The following NFATC2 variants were observed in gnomAD, a reference collection of about 807,000 sequenced individuals.
NFATC2 encodes the protein nuclear factor of activated T cells 2.
In NFATC2, 22 loss-of-function variants were observed where a neutral mutation model predicts 87.3. That is an observed-to-expected ratio of 0.25 (90% confidence interval 0.18 to 0.36). The LOEUF (loss-of-function observed/expected upper bound fraction) is 0.36, where lower values mean the gene tolerates loss of function less well. NFATC2 is among the 10% of genes least tolerant of loss of function. NFATC2 has a pLI of 1.00. For synonymous variants in NFATC2, 565 were observed against 542.2 expected (o/e 1.04, Z -0.58); for missense variants, 1,149 against 1,259.1 (o/e 0.91, Z 1.32).
At chr20:51,517,857 C>T (rs2076378521) in intron 2 of NFATC2, among the ~76,000 whole-genome samples, 1 of 149,268 alleles carries the variant, frequency 6.7e-6, no homozygotes, top group Non-Finnish European at 1.5e-5. Flanking sequence ...GTGGAGGTTG[C>T]AGTCAGCTGA....
chr20:51,442,287 C>T (rs1024323794), intron 6 of NFATC2, among the ~76,000 whole-genome samples: 1 of 152,084 alleles, frequency 6.6e-6, no homozygotes, highest in Admixed American at 6.6e-5. Flanking sequence ...CAAAAATTAG[C>T]TGGGTGTGGT....
chr20:51,451,966 G>A (rs112050608), intron 6 of NFATC2, among the ~76,000 whole-genome samples: 3,105 of 152,248 alleles, frequency 0.02, 112 homozygotes, highest in African/African-American at 0.07. Flanking sequence ...CACAATAAAT[G>A]TAATGTGCTT....
At chr20:51,422,749 G>T (rs1981140781) in intron 9 of NFATC2, among the ~76,000 whole-genome samples, 1 of 152,120 alleles carries the variant, frequency 6.6e-6, no homozygotes, top group African/African-American at 2.4e-5. Flanking sequence ...AGGGCAGGGG[G>T]CTTTCATTTG....
intron 3 of NFATC2, among the ~76,000 whole-genome samples, chr20:51,507,561 T>C (rs2076204931): frequency 6.6e-6 from 1 of 152,246 alleles, no homozygotes; most frequent in East Asian, 1.9e-4. Flanking sequence ...ATCCTAACTA[T>C]GCTCAACAAA....
rs78520115 is a variant in NFATC2 at position 51,487,722 on chromosome 20, C to T, written c.1333-12062G>A. ...ATAAAAAAGGTGAGTTATTCCCAATCGAATGACACCTCCGCCCCCACACCA... is the reference window on the plus strand; with the variant it reads ...ATAAAAAAGGTGAGTTATTCCCAATTGAATGACACCTCCGCCCCCACACCA... On this transcript the variant is annotated intron_variant, in intron 3 of 10. Transcript: ENST00000371564. Among the ~76,000 whole-genome samples, 860 of 152,136 alleles carry T rather than the reference C, an allele frequency of 5.7e-3. 10 individuals are homozygous for T. The highest frequency in any genetic ancestry group is 0.02 in the African/African-American group (820 of 41,504).
At chr20:51,472,667 A>G (rs1600814974) in intron 5 of NFATC2, among the ~76,000 whole-genome samples, 1 of 113,722 alleles carries the variant, frequency 8.8e-6, no homozygotes, top group South Asian at 2.6e-4. Flanking sequence ...ACAGGGTCTC[A>G]CTCTGTTGCC....
rs1989203399 is a variant in NFATC2 at position 51,480,958 on chromosome 20, C to T, written c.1333-5298G>A. On this transcript the variant is annotated intron_variant, in intron 3 of 10. Transcript: ENST00000371564. The surrounding 1 kb of genome is among the most constrained non-coding windows in gnomAD (Gnocchi z 4.2). ...CCTCCCATATGGGAAAGCCCAGGCA[C>T]TAATTGCAGTCTTCTCAGTGGGCTG... 6.6e-6 allele frequency among the ~76,000 whole-genome samples: 1 copy of T among 152,174 alleles called. No individual in the cohort carries two copies. Among genetic ancestry groups the T allele is most frequent in the Non-Finnish European group, 1.5e-5 (1 of 68,048 alleles).
Position 51,396,795 on chromosome 20 carries a change from GA to G in NFATC2, c.*44+1847del, listed in dbSNP as rs74848692. On this transcript the variant is annotated intron_variant, in intron 10 of 10. Transcript: ENST00000371564. Reference sequence around the variant, plus strand: ...TGCTTGGGTCAGGATGCATGAACCTGAAAGCACATGAAGTCCTCTCTGGGAT... The same window carrying G: ...TGCTTGGGTCAGGATGCATGAACCTGAAGCACATGAAGTCCTCTCTGGGAT... 1.0e-3 allele frequency among the ~76,000 whole-genome samples: 155 copies of G among 152,270 alleles called. No homozygotes were observed. The East Asian group carries it at 0.024, about 24-fold the overall frequency.
intron 3 of NFATC2, among the ~76,000 whole-genome samples, chr20:51,506,330 G>A (rs780969262): frequency 1.3e-5 from 2 of 152,214 alleles, no homozygotes; most frequent in Non-Finnish European, 2.9e-5. Context: ...CACATCATGT[G>A]CTTGTCAGAT....
chr20:51,551,508 A>T (rs2076932266), intron 1 of NFATC2, among the ~76,000 whole-genome samples: 1 of 151,386 alleles, frequency 6.6e-6, no homozygotes, highest in South Asian at 2.1e-4. Flanking sequence ...AGCTCAGATG[A>T]TCCGCTCACC....
At chr20:51,536,101 T>C (rs1201784378) in intron 1 of NFATC2, among the ~76,000 whole-genome samples, 3 of 152,170 alleles carry the variant, frequency 2.0e-5, no homozygotes, top group Admixed American at 2.0e-4. Flanking sequence ...ATAGCAGAGC[T>C]CCCTGTCATT....
At position 51,387,529 on chromosome 20, in the gene NFATC2, C is replaced by T. The variant is rs1985890448; in HGVS notation, c.*3967G>A. 6.6e-6 allele frequency: 1 copy of T among 152,190 alleles called. No homozygotes were observed. The highest frequency in any genetic ancestry group is 2.1e-4 in the South Asian group (1 of 4,828). 9.4% of individuals were successfully genotyped at this position (152,190 alleles called of 1,614,324 possible). ...TTAAACAGTGATGTTGGCTGTAAGT[C>T]AAGGCACTCACAAAAGCTGAGGGAA... On this transcript the variant is annotated 3_prime_UTR_variant, in exon 11 of 11. Coordinates refer to ENST00000371564, the MANE Select transcript of NFATC2 (RefSeq NM_012340.5).
chr20:51,434,052 GC>G (rs955910757), intron 8 of NFATC2, among the ~76,000 whole-genome samples: 1 of 152,042 alleles, frequency 6.6e-6, no homozygotes, highest in South Asian at 2.1e-4. Flanking sequence ...GCAGTCTAGA[GC>G]CCCCCCAGCA....
At chr20:51,484,175 G>A (rs1365726056) in intron 3 of NFATC2, among the ~76,000 whole-genome samples, 2 of 151,448 alleles carry the variant, frequency 1.3e-5, no homozygotes, top group African/African-American at 4.9e-5. Context: ...CCAGGCAGGT[G>A]CCCGTCCCTG....
chr20:51,516,611 G>C (rs1284814468), intron 3 of NFATC2, among the ~76,000 whole-genome samples, 173 bp downstream of exon 3: 1 of 152,226 alleles, frequency 6.6e-6, no homozygotes, highest in Non-Finnish European at 1.5e-5. Flanking sequence ...TCTGGCTTAT[G>C]AGTAGCTGGA....
chr20:51,410,561 AGGGAGAGAAAGG>A (rs1305379180), intron 9 of NFATC2, among the ~76,000 whole-genome samples: 2 of 151,424 alleles, frequency 1.3e-5, no homozygotes, highest in East Asian at 3.9e-4. Flanking sequence ...GGAGAGAAAG[AGGGAGAGAAAGG>A]GAGGGAGAGA....
chr20:51,415,997 C>T (rs1247863785), intron 9 of NFATC2, among the ~76,000 whole-genome samples: 2 of 151,880 alleles, frequency 1.3e-5, no homozygotes, highest in Non-Finnish European at 2.9e-5. Flanking sequence ...TGTGGTGACT[C>T]GTGCCTGTAA....
intron 3 of NFATC2, among the ~76,000 whole-genome samples, chr20:51,487,076 C>T (rs1989772176): frequency 6.6e-6 from 1 of 152,198 alleles, no homozygotes; most frequent in South Asian, 2.1e-4. Flanking sequence ...AAGGGGAAAG[C>T]ATCCTTCAGA....
chr20:51,391,288 G>A lies in NFATC2; in HGVS notation c.*208C>T, dbSNP rs16995999. The A allele has an allele frequency of 6.7e-3, 7,866 of 1,179,142 alleles. 330 individuals carry two copies. In the African/African-American group the frequency reaches 0.1, roughly 15 times the overall value. The allele number at this position is 1,179,142 out of a possible 1,614,324, so 73.0% of individuals were successfully genotyped here. On this transcript the variant is annotated 3_prime_UTR_variant, in exon 11 of 11. Coordinates refer to ENST00000371564, the MANE Select transcript of NFATC2 (RefSeq NM_012340.5). ...GCTTAGTGCCCATACATTGATCCGC[G>A]TGTGGACTCCGGGCTGGGAGATGAA... is the stretch of plus-strand genomic sequence containing the variant.
Sources: gnomAD v4.1 joint callset for allele counts (sites outside exome capture counted in the v4.1 genomes callset) on GRCh38, gnomAD v4.1.1 for gene constraint, Gnocchi (gnomAD v3.1) non-coding constraint, MANE v1.5 for transcripts, NCBI Gene and HGNC (gene_info 2026-07-23, HGNC 2026-07-21) for gene names.